The following SPEN variants were observed in gnomAD, a reference collection of about 807,000 sequenced individuals.
The protein encoded by SPEN is msx2-interacting protein.
A neutral mutation model predicts 269.9 loss-of-function variants in SPEN; 18 were observed. The ratio of observed to expected loss-of-function variants is 0.07; its 90% CI spans 0.05 to 0.10. The LOEUF (loss-of-function observed/expected upper bound fraction) is 0.10, where lower values mean the gene tolerates loss of function less well. SPEN is among the 10% of genes least tolerant of loss of function. The pLI is 1.00. For missense variants in SPEN, 3,822 were observed against 4,631.2 expected (o/e 0.83, Z 5.07); for synonymous variants, 1,726 against 1,765.7 (o/e 0.98, Z 0.56).
chr1:15,860,069 A>G (rs61782225), intron 1 of SPEN, among the ~76,000 whole-genome samples: 3 of 149,608 alleles, frequency 2.0e-5, no homozygotes, highest in African/African-American at 7.4e-5. Flanking sequence ...CCGCCACCAC[A>G]CCCGGCTAAT....
rs769998160 is a variant in SPEN, at chr1:15,920,944, A to G, written c.1710A>G (p.Lys570=). The G allele has an allele frequency of 6.8e-6, 11 of 1,613,014 alleles. No homozygotes were observed. The highest frequency in any genetic ancestry group is 9.3e-6 in the Non-Finnish European group (11 of 1,179,532). The change falls in exon 9 of 15, where the codon AAA becomes AAG. Residue 570 remains lysine (K), a synonymous_variant. Transcript: ENST00000375759. ...NEIEYAQAAV[K]ETKGRKIGGN... ...TTGAATATGCACAAGCAGCTGTAAA[A>G]GAGACCAAAGGGAGGAAAATCGGTG...
chr1:15,848,131 A>G lies in SPEN; in HGVS notation c.64A>G (p.Ile22Val). 4 of 1,494,590 alleles carry G rather than the reference A, an allele frequency of 2.7e-6. No individual in the cohort carries two copies. Among genetic ancestry groups the G allele is most frequent in the South Asian group, 1.3e-5 (1 of 79,874 alleles). The allele number at this position is 1,494,590 out of a possible 1,614,324, so 92.6% of individuals were successfully genotyped here. ...ACCCGAGAACGTGCGGGAAGAGAAG[A>G]TCATCGAGCATTTCAAACGGTGAGT... The part of the protein sequence containing the change: ...NLPENVREEK[I>V]IEHFKRYGRV... The change falls in exon 1 of 15, where the codon ATC (isoleucine) becomes GTC (valine). Residue 22 changes from isoleucine to valine, a missense_variant. By Grantham distance (29) the Ile-to-Val change is conservative. Transcript: ENST00000375759. This position sits in a 1 kb window ranked among gnomAD's most constrained non-coding sequence, Gnocchi z 5.1.
At chr1:15,923,597 G>A (rs977135847) in intron 10 of SPEN, among the ~76,000 whole-genome samples, 2 of 151,332 alleles carry the variant, frequency 1.3e-5, no homozygotes, top group African/African-American at 2.4e-5. Flanking sequence ...ATTCATTTTT[G>A]TTTAAATGAT....
In SPEN at chr1:15,933,557, G is replaced by C. The variant is rs764115695; in HGVS notation, c.7317G>C (p.Pro2439=). The C allele has an allele frequency of 6.2e-7, 1 of 1,613,882 alleles. No homozygotes were observed. The highest frequency in any genetic ancestry group is 8.5e-7 in the Non-Finnish European group (1 of 1,179,908). Residue 2439 remains proline, a synonymous_variant, in exon 11 of 15, where the codon CCG becomes CCC. Coordinates refer to ENST00000375759, the MANE Select transcript of SPEN (RefSeq NM_015001.3). This position sits in a 1 kb window ranked among gnomAD's most constrained non-coding sequence, Gnocchi z 5.7. ...TTCCCCCACCTCCCCAGCCAGCACC[G>C]GTGGATGAGGAGCCTCAAGCCAGGT... ...PDLPPPPQPA[P]VDEEPQARFR...
At chr1:15,877,183 A>T (rs536353509) in intron 3 of SPEN, among the ~76,000 whole-genome samples, 4 of 152,266 alleles carry the variant, frequency 2.6e-5, no homozygotes, top group Admixed American at 2.6e-4. Flanking sequence ...CAATTTATAA[A>T]CTCAAGTAGA....
intron 1 of SPEN, among the ~76,000 whole-genome samples, chr1:15,854,723 T>G (rs1435990469): frequency 6.6e-6 from 1 of 152,098 alleles, no homozygotes; most frequent in Non-Finnish European, 1.5e-5. Flanking sequence ...TCAGGTGATC[T>G]GCCCACCTCG....
Position 15,909,594 on chromosome 1 carries a change from C to T in SPEN, c.1042+113C>T, listed in dbSNP as rs1570036863. The T allele has an allele frequency of 1.1e-5, 12 of 1,124,988 alleles. No individual in the cohort carries two copies. In the South Asian group the frequency reaches 1.6e-4, roughly 15 times the overall value. 69.7% of individuals were successfully genotyped at this position (1,124,988 alleles called of 1,614,324 possible). ...TAAAATTATAATGGAAAACCCATTT[C>T]GAAATATTAACGTTTTAAATGAGGA... is the stretch of plus-strand genomic sequence containing the variant. On this transcript the variant is annotated intron_variant, in intron 4 of 14. Transcript: ENST00000375759.
chr1:15,864,167 C>CT (rs71003211), intron 1 of SPEN, among the ~76,000 whole-genome samples: 4,568 of 148,242 alleles, frequency 0.031, 228 homozygotes, highest in African/African-American at 0.11. Context: ...ATAGTGGTTG[C>CT]TTTTTTTTTT....
chr1:15,909,176 G>GT (rs2070988917), intron 3 of SPEN, 145 bp from the exon 4 acceptor site: 1 of 764,042 alleles, frequency 1.3e-6, no homozygotes, highest in African/African-American at 1.7e-5. Context: ...TGAAGGTAGA[G>GT]TACGAGATAG....
Position 15,929,197 on chromosome 1 carries a change from G to C in SPEN, c.2957G>C (p.Arg986Thr). The C allele has an allele frequency of 6.2e-7, 1 of 1,614,190 alleles. No individual in the cohort carries two copies. Among genetic ancestry groups the C allele is most frequent in the South Asian group, 1.1e-5 (1 of 91,084 alleles). ...VDLEKLEARK[R>T]RFADSNLKAE... ...CTGGAGAAGCTGGAAGCCAGGAAAA[G>C]GCGCTTTGCAGATTCCAATTTAAAA... Residue 986 changes from arginine to threonine, a missense_variant, in exon 11 of 15, where the codon AGG (arginine) becomes ACG (threonine). Physicochemically the swap from Arg to Thr is moderately conservative, Grantham distance 71. This residue lies in a region of SPEN where 572 missense variants were observed against 582.6 expected (regional missense o/e 0.98). Transcript: ENST00000375759. The surrounding 1 kb of genome is among the most constrained non-coding windows in gnomAD (Gnocchi z 5.8).
Position 15,872,841 on chromosome 1 carries a change from A to G in SPEN, c.109A>G (p.Ile37Val), listed in dbSNP as rs1372982779. 4.6e-6 allele frequency: 7 copies of G among 1,509,602 alleles called. No individual in the cohort carries two copies. The highest frequency in any genetic ancestry group is 6.2e-6 in the Non-Finnish European group (7 of 1,121,108). The allele number at this position is 1,509,602 out of a possible 1,614,324, so 93.5% of individuals were successfully genotyped here. ...ATATGGCCGCGTGGAAAGTGTCAAAATTCTTCCCAAGAGGGGATCTGAAGG... is the reference window on the plus strand; with the variant it reads ...ATATGGCCGCGTGGAAAGTGTCAAAGTTCTTCCCAAGAGGGGATCTGAAGG... ...KRYGRVESVK[I>V]LPKRGSEGGV... The change falls in exon 2 of 15, where the codon ATT (isoleucine) becomes GTT (valine). Residue 37 changes from isoleucine (I) to valine (V), a missense_variant. Ile to Val is a conservative substitution (Grantham distance 29). This residue lies in a region of SPEN where 51 missense variants were observed against 56.1 expected (regional missense o/e 0.91). Coordinates refer to ENST00000375759, the MANE Select transcript of SPEN (RefSeq NM_015001.3).
rs2070286802 is a variant in SPEN at position 15,847,824 on chromosome 1, A to C, written c.-244A>C. The C allele has an allele frequency of 4.2e-6, 1 of 239,446 alleles. No individual in the cohort carries two copies. The highest frequency in any genetic ancestry group is 8.1e-6 in the Non-Finnish European group (1 of 124,004). 14.8% of individuals were successfully genotyped at this position (239,446 alleles called of 1,614,324 possible). On this transcript the variant is annotated 5_prime_UTR_variant, in exon 1 of 15. Coordinates refer to ENST00000375759, the MANE Select transcript of SPEN (RefSeq NM_015001.3). Reference sequence around the variant, plus strand: ...CCTGCCCGGGCGCATGCGCTGCCGGAGCGCGAGGGTCGGCTTCGGGTGTGT... The same window carrying C: ...CCTGCCCGGGCGCATGCGCTGCCGGCGCGCGAGGGTCGGCTTCGGGTGTGT...
intron 1 of SPEN, among the ~76,000 whole-genome samples, chr1:15,864,666 A>G (rs1387635242): frequency 7.4e-6 from 1 of 134,586 alleles, no homozygotes; most frequent in Non-Finnish European, 1.5e-5. Flanking sequence ...TCTGGAGTTC[A>G]GTGGTGTGAT....
intron 1 of SPEN, among the ~76,000 whole-genome samples, chr1:15,859,999 C>T (rs2070428085): frequency 1.4e-5 from 2 of 146,956 alleles, no homozygotes; most frequent in South Asian, 4.3e-4. Context: ...GCAAGCTCCA[C>T]CTCCCGGGTT....
chr1:15,924,143 G>A (rs2071144929), intron 10 of SPEN, among the ~76,000 whole-genome samples: 1 of 152,228 alleles, frequency 6.6e-6, no homozygotes, highest in Non-Finnish European at 1.5e-5. Flanking sequence ...TTGTGTGAGT[G>A]TAAGAGAGTG....
chr1:15,906,453 C>CTTTTTTTTTTTT (rs200731520), intron 3 of SPEN, among the ~76,000 whole-genome samples: 7 of 92,542 alleles, frequency 7.6e-5, no homozygotes, highest in African/African-American at 1.5e-4. Context: ...TCTTTCTTTC[C>CTTTTTTTTTTTT]TTTTTTTTTT....
At chr1:15,919,281 T>A in intron 7 of SPEN, 123 bp from the exon 8 acceptor site, 1 of 725,634 alleles carries the variant, frequency 1.4e-6, no homozygotes, top group South Asian at 2.0e-5. Flanking sequence ...TTTAACCAGA[T>A]GTTTCCCACT....
At chr1:15,913,025 A>C (rs1042595375) in intron 5 of SPEN, among the ~76,000 whole-genome samples, 1 of 152,234 alleles carries the variant, frequency 6.6e-6, no homozygotes, top group Admixed American at 6.5e-5. Context: ...AGTATAGAAA[A>C]GCTAACTACT....
intron 1 of SPEN, among the ~76,000 whole-genome samples, chr1:15,849,110 AG>A (rs1388552761): frequency 6.6e-6 from 1 of 152,184 alleles, no homozygotes; most frequent in Non-Finnish European, 1.5e-5. Flanking sequence ...CGTAACAGAT[AG>A]GCCTCCGCAT....
Sources: gnomAD v4.1 joint callset for allele counts (sites outside exome capture counted in the v4.1 genomes callset) on GRCh38, gnomAD v4.1.1 for gene constraint, gnomAD v4.1.1 regional missense constraint, Gnocchi (gnomAD v3.1) non-coding constraint, MANE v1.5 for transcripts, NCBI Gene and HGNC (gene_info 2026-07-23, HGNC 2026-07-21) for gene names.